Variants in STAC observed in about 807,000 individuals in gnomAD.
STAC encodes the protein SH3 and cysteine rich domain, also known as SH3 and cysteine-rich domain-containing protein.
In STAC, 43 loss-of-function variants were observed where a neutral mutation model predicts 48.8. The observed-to-expected ratio is 0.88, with a 90% CI of 0.69 to 1.14. The LOEUF (loss-of-function observed/expected upper bound fraction) is 1.14. STAC is among the 50% of genes most tolerant of loss of function. The pLI is 0.00. For missense variants in STAC, 497 were observed against 504.0 expected, an observed-to-expected ratio of 0.99 and a Z score of 0.13; for synonymous variants, 193 against 179.5, an observed-to-expected ratio of 1.07 and a Z score of -0.60.
At chr3:36,540,085 G>A (rs1257224160) in intron 10 of STAC, among the ~76,000 whole-genome samples, 1 of 152,044 alleles carries the variant, frequency 6.6e-6, no homozygotes, top group Non-Finnish European at 1.5e-5. Flanking sequence ...GGAAGCCGGG[G>A]TCAGAGAGAG....
chr3:36,382,178 T>C (rs1242031116), intron 1 of STAC, among the ~76,000 whole-genome samples: 1 of 152,210 alleles, frequency 6.6e-6, no homozygotes, highest in Non-Finnish European at 1.5e-5. Context: ...TTGCCTCCCA[T>C]TGAACATCAG....
intron 2 of STAC, among the ~76,000 whole-genome samples, chr3:36,445,623 G>A (rs560474241): frequency 1.1e-4 from 17 of 152,212 alleles, no homozygotes; most frequent in Middle Eastern, 3.4e-3. Flanking sequence ...TGCCTCTCTC[G>A]CTTTCTTGAC....
intron 2 of STAC, among the ~76,000 whole-genome samples, chr3:36,455,863 A>G (rs1258860035): frequency 1.3e-5 from 2 of 152,196 alleles, no homozygotes; most frequent in South Asian, 2.1e-4. Context: ...TGTTTTCTCC[A>G]TAGCTTATCA....
At chr3:36,398,231 T>A (rs1699892930) in intron 1 of STAC, among the ~76,000 whole-genome samples, 1 of 151,548 alleles carries the variant, frequency 6.6e-6, no homozygotes, top group Admixed American at 6.6e-5. Context: ...GACTAAAATG[T>A]TACCTGCCAG....
chr3:36,441,354 C>A (rs1696344968), intron 1 of STAC, among the ~76,000 whole-genome samples: 1 of 152,098 alleles, frequency 6.6e-6, no homozygotes, highest in Non-Finnish European at 1.5e-5. Context: ...ATTTAACTTT[C>A]TTTTCCTGGC....
At chr3:36,493,812 T>G (rs979770851) in intron 6 of STAC, among the ~76,000 whole-genome samples, 1 of 152,132 alleles carries the variant, frequency 6.6e-6, no homozygotes, top group East Asian at 1.9e-4. Context: ...TTCTAAAGTA[T>G]TTATTAAATG....
intron 1 of STAC, among the ~76,000 whole-genome samples, chr3:36,382,912 G>C (rs1421695926): frequency 2.0e-5 from 3 of 152,162 alleles, no homozygotes; most frequent in African/African-American, 4.8e-5. Flanking sequence ...CCATGAAGTG[G>C]TCTTGTTTGT....
At chr3:36,535,136 T>C (rs7627024) in intron 10 of STAC, among the ~76,000 whole-genome samples, 19,250 of 152,178 alleles carry the variant, frequency 0.13, 1,275 homozygotes, top group African/African-American at 0.16. Context: ...GTTTGTGTCC[T>C]CTCTTACTTC....
chr3:36,461,400 A>G (rs1364138897), intron 2 of STAC, among the ~76,000 whole-genome samples: 1 of 152,174 alleles, frequency 6.6e-6, no homozygotes, highest in Non-Finnish European at 1.5e-5. Context: ...CCTGTTCTGA[A>G]CACTTGGGAT....
At chr3:36,385,811 T>C (rs1699604395) in intron 1 of STAC, among the ~76,000 whole-genome samples, 1 of 152,136 alleles carries the variant, frequency 6.6e-6, no homozygotes, top group Non-Finnish European at 1.5e-5. Context: ...TCTGTGCCAT[T>C]GTAGGTAGCA....
intron 6 of STAC, among the ~76,000 whole-genome samples, chr3:36,503,152 A>G (rs1005939978): frequency 2.6e-5 from 4 of 152,360 alleles, no homozygotes; most frequent in African/African-American, 7.2e-5. Context: ...AGAAGAATAA[A>G]GCAGCAATGT....
chr3:36,443,399 C>G lies in STAC; in HGVS notation c.147C>G (p.Thr49=). The change falls in exon 2 of 11, where the codon ACC becomes ACG. Residue 49 remains threonine (T), a synonymous_variant. Coordinates refer to ENST00000273183, the MANE Select transcript of STAC (RefSeq NM_003149.3). The surrounding 1 kb of genome is among the most constrained non-coding windows in gnomAD (Gnocchi z 4.2). ...TAAAACGATCACTTTCTTTCAAGAC[C>G]AAGAGTTTACGGAGCAAAAGTGCTG... The part of the protein sequence containing the change: ...QKLKRSLSFK[T]KSLRSKSADN... 1.2e-6 allele frequency: 2 copies of G among 1,614,178 alleles called. No homozygotes were observed. Among genetic ancestry groups the G allele is most frequent in the Non-Finnish European group, 1.7e-6 (2 of 1,180,040 alleles).
chr3:36,423,141 C>T (rs1700485085), intron 1 of STAC, among the ~76,000 whole-genome samples: 1 of 151,990 alleles, frequency 6.6e-6, no homozygotes, highest in Non-Finnish European at 1.5e-5. Flanking sequence ...AGCCATAGTG[C>T]AGCCAGTGTG....
chr3:36,519,028 G>A (rs547537160), intron 8 of STAC, among the ~76,000 whole-genome samples: 42 of 152,252 alleles, frequency 2.8e-4, no homozygotes, highest in Middle Eastern at 3.4e-3. Context: ...AAAGAAGCTG[G>A]GATTCCAGAA....
At chr3:36,459,564 C>A (rs886841454) in intron 2 of STAC, among the ~76,000 whole-genome samples, 1 of 152,186 alleles carries the variant, frequency 6.6e-6, no homozygotes, top group African/African-American at 2.4e-5. Flanking sequence ...TCTAGCTTAA[C>A]CATTGTCTCT....
chr3:36,448,320 C>T (rs754764070), intron 2 of STAC, among the ~76,000 whole-genome samples: 1 of 152,090 alleles, frequency 6.6e-6, no homozygotes, highest in Non-Finnish European at 1.5e-5. Flanking sequence ...CTCCTGGGTT[C>T]AAGCAATTCT....
chr3:36,416,840 C>T (rs1293228025), intron 1 of STAC, among the ~76,000 whole-genome samples: 1 of 152,188 alleles, frequency 6.6e-6, no homozygotes, highest in Non-Finnish European at 1.5e-5. Flanking sequence ...AGCCATTGAG[C>T]ATGTCCCTTG....
chr3:36,519,305 G>A (rs1698746073), intron 8 of STAC, among the ~76,000 whole-genome samples: 1 of 152,204 alleles, frequency 6.6e-6, no homozygotes, highest in Non-Finnish European at 1.5e-5. Context: ...TTAGTGAATG[G>A]ACGCTTGGCT....
chr3:36,488,860 C>T (rs1375004323), intron 5 of STAC, among the ~76,000 whole-genome samples: 1 of 152,112 alleles, frequency 6.6e-6, no homozygotes, highest in African/African-American at 2.4e-5. Context: ...GCGCCACTTC[C>T]CTAATTAAAA....
Sources: gnomAD v4.1 joint callset for allele counts (sites outside exome capture counted in the v4.1 genomes callset) on GRCh38, gnomAD v4.1.1 for gene constraint, Gnocchi (gnomAD v3.1) non-coding constraint, MANE v1.5 for transcripts, NCBI Gene and HGNC (gene_info 2026-07-23, HGNC 2026-07-21) for gene names.